Variants in ADGRG3 observed in about 807,000 individuals in gnomAD.
ADGRG3 encodes the protein adhesion G protein-coupled receptor G3.
In ADGRG3, 39 loss-of-function variants were observed where a neutral mutation model predicts 54.3. The observed-to-expected ratio is 0.72, with a 90% CI of 0.56 to 0.94. ADGRG3 has a LOEUF of 0.94. Among genes scored for constraint, ADGRG3 ranks in the 40% least tolerant of loss-of-function variants. The probability of loss-of-function intolerance (pLI) is 0.00; values close to 1 mark genes in which losing one functional copy is unlikely to be tolerated. For synonymous variants in ADGRG3, 312 were observed against 290.0 expected, an observed-to-expected ratio of 1.08 and a Z score of -0.77; for missense variants, 654 against 694.6, an observed-to-expected ratio of 0.94 and a Z score of 0.66.
upstream of ADGRG3, among the ~76,000 whole-genome samples, chr16:57,665,988 C>T (rs1223339818): frequency 1.3e-5 from 2 of 150,840 alleles, no homozygotes; most frequent in Non-Finnish European, 3.0e-5. Context: ...CCACTGACCT[C>T]TGTCCCCACC....
At chr16:57,672,186 A>G (rs75984704) in intron 1 of ADGRG3, among the ~76,000 whole-genome samples, 8 of 151,076 alleles carry the variant, frequency 5.3e-5, no homozygotes, top group Non-Finnish European at 1.2e-4. Context: ...TCTCAAAAGA[A>G]AAAAAAAAGA....
In ADGRG3 at chr16:57,679,188, C is replaced by T. The variant is rs779039494; in HGVS notation, c.504C>T (p.Leu168=). 25 of 1,613,710 alleles carry T rather than the reference C, an allele frequency of 1.5e-5. No individual in the cohort carries two copies. Among genetic ancestry groups the T allele is most frequent in the Middle Eastern group, 1.6e-4 (1 of 6,080 alleles). The part of the protein sequence containing the change: ...GPGTLFKGPR[L]GLGDGSGVLN... ...CTCCCCTTTCACAGGGCCCCCGGCT[C>T]GGCCTGGGAGATGGCAGCGGCGTGT... The change falls in exon 5 of 12, where the codon CTC becomes CTT. Residue 168 remains leucine, a synonymous_variant. Transcript: ENST00000333493.
In ADGRG3 at chr16:57,676,220, C is replaced by A; in HGVS notation, c.227C>A (p.Ala76Asp). 1.2e-6 allele frequency: 2 copies of A among 1,614,040 alleles called. No individual in the cohort carries two copies. Among genetic ancestry groups the A allele is most frequent in the Non-Finnish European group, 1.7e-6 (2 of 1,179,948 alleles). Residue 76 changes from alanine to aspartate, a missense_variant, in exon 3 of 12, where the codon GCC becomes GAC. Ala to Asp is a moderately radical substitution (Grantham distance 126). Coordinates refer to ENST00000333493, the MANE Select transcript of ADGRG3 (RefSeq NM_170776.5). ...NLQRYWLNYE[A>D]HLMKEGLTQK... is the part of the protein sequence containing the mutation. Reference sequence around the variant, plus strand: ...TGCAGATACTGGCTAAACTACGAGGCCCATCTGATGAAGGAAGGTTTGACG... The same window carrying A: ...TGCAGATACTGGCTAAACTACGAGGACCATCTGATGAAGGAAGGTTTGACG...
rs1483777886 is a variant in ADGRG3, at chr16:57,678,307, T to A, written c.483T>A (p.Thr161=). The change falls in exon 4 of 12, where the codon ACT becomes ACA. Residue 161 remains threonine, a synonymous_variant. Transcript: ENST00000333493. ...AVTILDIGPG[T]LFKGPRLGLG... is the part of the protein sequence containing the mutation. ...CCATTCTGGACATTGGTCCAGGGAC[T>A]CTCTTCAAGGTGAGGACTCAGGGAA... is the stretch of plus-strand genomic sequence containing the variant. 6.2e-7 allele frequency: 1 copy of A among 1,614,146 alleles called. No individual in the cohort carries two copies. The highest frequency in any genetic ancestry group is 1.1e-5 in the South Asian group (1 of 91,090).
intron 11 of ADGRG3, among the ~76,000 whole-genome samples, chr16:57,687,014 G>A (rs964109636): frequency 1.4e-4 from 22 of 152,202 alleles, no homozygotes; most frequent in Admixed American, 1.2e-3. Flanking sequence ...CAGGAGTGAC[G>A]AGACTCAACC....
At chr16:57,686,416 G>T (rs1174250825) in intron 11 of ADGRG3, among the ~76,000 whole-genome samples, 1 of 152,104 alleles carries the variant, frequency 6.6e-6, no homozygotes, top group African/African-American at 2.4e-5. Context: ...ATGAGGATCC[G>T]CTCCAAGGAT....
At chr16:57,684,919 C>T (rs1275989507) in intron 10 of ADGRG3, among the ~76,000 whole-genome samples, 1 of 152,226 alleles carries the variant, frequency 6.6e-6, no homozygotes, top group African/African-American at 2.4e-5. Context: ...CACAGTAGCC[C>T]TGGGTCTAGT....
intron 8 of ADGRG3, 47 bp downstream of exon 8, chr16:57,680,664 G>A (rs2048351634): frequency 2.3e-6 from 3 of 1,313,802 alleles, no homozygotes; most frequent in Admixed American, 3.4e-5. Flanking sequence ...CGCCCTCAAG[G>A]GAGGCAGCAG....
In ADGRG3 at chr16:57,679,863, C is replaced by T. The variant is rs1276820111; in HGVS notation, c.667+8C>T. ...TCTGGGATGTGACTAAAGGTAGGGCCCGGAGGACCTTCTCTGGGGTAAGAC... is the reference window on the plus strand; with the variant it reads ...TCTGGGATGTGACTAAAGGTAGGGCTCGGAGGACCTTCTCTGGGGTAAGAC... On this transcript the variant is annotated splice_region_variant and intron_variant, in intron 6 of 11. Coordinates refer to ENST00000333493, the MANE Select transcript of ADGRG3 (RefSeq NM_170776.5). The T allele has an allele frequency of 1.9e-6, 3 of 1,607,790 alleles. No individual in the cohort carries two copies. Among genetic ancestry groups the T allele is most frequent in the East Asian group, 4.5e-5 (2 of 44,816 alleles).
intron 3 of ADGRG3, 107 bp from the exon 4 acceptor site, chr16:57,678,063 G>T (rs1433217652): frequency 1.4e-6 from 2 of 1,391,992 alleles, no homozygotes; most frequent in East Asian, 4.6e-5. Flanking sequence ...CAGTCCCCAG[G>T]TGCTGCCCCC....
rs146599033 is a variant in ADGRG3, at chr16:57,669,971, G to A, written c.58+1566G>A. Among the ~76,000 whole-genome samples, 621 of 152,292 alleles carry A rather than the reference G, an allele frequency of 4.1e-3. 4 individuals carry two copies. Among genetic ancestry groups the A allele is most frequent in the Non-Finnish European group, 5.7e-3 (390 of 68,006 alleles). ...GGCACCTGGGGCAGCCTTCAGCACCGTGAGGTCTAAAGGGGCCAGGAGGGA... is the reference window on the plus strand; with the variant it reads ...GGCACCTGGGGCAGCCTTCAGCACCATGAGGTCTAAAGGGGCCAGGAGGGA... On this transcript the variant is annotated intron_variant, in intron 1 of 11. Transcript: ENST00000333493.
In ADGRG3 at chr16:57,674,932, G is replaced by T. The variant is rs139071211; in HGVS notation, c.207-1268G>T. ...AATTGCTTGAACCCAGGAGGTAAAG[G>T]TTGCAGTGACCTGAGATCACTCCAC... On this transcript the variant is annotated intron_variant, in intron 2 of 11. Coordinates refer to ENST00000333493, the MANE Select transcript of ADGRG3 (RefSeq NM_170776.5). Among the ~76,000 whole-genome samples, 626 of 145,338 alleles carry T rather than the reference G, an allele frequency of 4.3e-3. 6 individuals carry two copies. Among genetic ancestry groups the T allele is most frequent in the African/African-American group, 0.015 (565 of 38,938 alleles).
chr16:57,670,000 GC>G lies in ADGRG3; in HGVS notation c.58+1600del, dbSNP rs144160845. On this transcript the variant is annotated intron_variant, in intron 1 of 11. Transcript: ENST00000333493. ...GGTCTAAAGGGGCCAGGAGGGAGTGGCCCCCTGGGCTTCTACAGCCAGACTG... is the reference window on the plus strand; with the variant it reads ...GGTCTAAAGGGGCCAGGAGGGAGTGGCCCCTGGGCTTCTACAGCCAGACTG... Among the ~76,000 whole-genome samples the G allele has an allele frequency of 7.2e-3, 1,095 of 152,280 alleles. 17 individuals are homozygous for G. Among genetic ancestry groups the G allele is most frequent in the African/African-American group, 0.025 (1,041 of 41,552 alleles).
chr16:57,676,338 G>C lies in ADGRG3; in HGVS notation c.345G>C (p.Gln115His). The change falls in exon 3 of 12, where the codon CAG becomes CAC. Residue 115 changes from glutamine to histidine, a missense_variant and splice_region_variant. Coordinates refer to ENST00000333493, the MANE Select transcript of ADGRG3 (RefSeq NM_170776.5). Reference protein sequence around the residue: ...EDFYFSLEPSQVPRQVMKDED... With the variant: ...EDFYFSLEPSHVPRQVMKDED... ...TCTATTTCTCTCTGGAGCCCTCTCAGGTGAAGAGCTCCCCAGCCCTCTTGG... is the reference window on the plus strand; with the variant it reads ...TCTATTTCTCTCTGGAGCCCTCTCACGTGAAGAGCTCCCCAGCCCTCTTGG... The C allele has an allele frequency of 6.2e-7, 1 of 1,613,848 alleles. No homozygotes were observed. The highest frequency in any genetic ancestry group is 1.1e-5 in the South Asian group (1 of 91,076).
chr16:57,676,244 C>T lies in ADGRG3; in HGVS notation c.251C>T (p.Thr84Met), dbSNP rs57838522. ...GCCCATCTGATGAAGGAAGGTTTGA[C>T]GCAGAAGGTGAACACGCCTTTCCTG... ...YEAHLMKEGL[T>M]QKVNTPFLKA... The change falls in exon 3 of 12, where the codon ACG becomes ATG. Residue 84 changes from threonine to methionine, a missense_variant. Thr to Met is a moderately conservative substitution (Grantham distance 81). Coordinates refer to ENST00000333493, the MANE Select transcript of ADGRG3 (RefSeq NM_170776.5). 5.0e-3 allele frequency: 7,993 copies of T among 1,613,952 alleles called. 267 individuals carry two copies. The African/African-American group carries it at 0.085, about 17-fold the overall frequency.
At chr16:57,673,545 T>G in intron 2 of ADGRG3, 77 bp downstream of exon 2, 1 of 1,348,296 alleles carries the variant, frequency 7.4e-7, no homozygotes, top group Non-Finnish European at 1.0e-6. Flanking sequence ...TGGGGCCATC[T>G]TCCCCCATGG....
At chr16:57,678,850 A>C in intron 4 of ADGRG3, 1 of 405,038 alleles carries the variant, frequency 2.5e-6, no homozygotes, top group East Asian at 4.9e-5. Flanking sequence ...GGGGCACGCT[A>C]TCCTCCCCGC....
At chr16:57,673,290 C>T in intron 1 of ADGRG3, 31 bp from the exon 2 acceptor site, 1 of 1,592,402 alleles carries the variant, frequency 6.3e-7, no homozygotes, top group Non-Finnish European at 8.6e-7. Flanking sequence ...CTTCGTCCAG[C>T]CCATTCACAC....
rs751042572 is a variant in ADGRG3, at chr16:57,683,996, C to G, written c.946C>G (p.Leu316Val). ...PKIHVALGGSLFLLNLAFLVN... is the reference protein window; with the variant it reads ...PKIHVALGGSVFLLNLAFLVN... ...GATCCACGTGGCCCTGGGTGGCAGC[C>G]TGTTCCTCCTGAATCTGGCCTTCTT... Residue 316 changes from leucine to valine, a missense_variant, in exon 9 of 12, where the codon CTG becomes GTG. By Grantham distance (32) the Leu-to-Val change is conservative (BLOSUM62 1). Transcript: ENST00000333493. 141 of 1,606,770 alleles carry G rather than the reference C, an allele frequency of 8.8e-5. No individual in the cohort carries two copies. The highest frequency in any genetic ancestry group is 1.2e-4 in the Non-Finnish European group (139 of 1,174,858).
Sources: gnomAD v4.1 joint callset for allele counts (sites outside exome capture counted in the v4.1 genomes callset) on GRCh38, gnomAD v4.1.1 for gene constraint, MANE v1.5 for transcripts, NCBI Gene and HGNC (gene_info 2026-07-23, HGNC 2026-07-21) for gene names.